The following SPTBN1 variants were observed in gnomAD, a reference collection of about 807,000 sequenced individuals.
SPTBN1 encodes spectrin beta, non-erythrocytic 1, also known as spectrin beta chain, non-erythrocytic 1.
SPTBN1 carries 32 observed loss-of-function variants against 266.4 expected under a neutral mutation model. The ratio of observed to expected loss-of-function variants is 0.12; its 90% CI spans 0.09 to 0.16. The LOEUF (loss-of-function observed/expected upper bound fraction) is 0.16, where lower values mean the gene tolerates loss of function less well. Ranked by LOEUF, SPTBN1 falls within the 10% of genes least tolerant of loss-of-function variation. The pLI is 1.00. For missense variants in SPTBN1, 2,296 were observed against 3,067.1 expected (o/e 0.75, Z 5.94); for synonymous variants, 1,336 against 1,162.2 (o/e 1.15, Z -3.04).
Position 54,505,636 on chromosome 2 carries a change from T to G in SPTBN1, c.-47-20736T>G, listed in dbSNP as rs573222249. On this transcript the variant is annotated intron_variant, in intron 1 of 35. Transcript: ENST00000356805. Reference sequence around the variant, plus strand: ...CAGGGGTCCTAGCTCCTGGGCTGGGTCTCCTAGGTGTCTTACAGCCTGGCT... The same window carrying G: ...CAGGGGTCCTAGCTCCTGGGCTGGGGCTCCTAGGTGTCTTACAGCCTGGCT... Among the ~76,000 whole-genome samples, 23 of 152,176 alleles carry G rather than the reference T, an allele frequency of 1.5e-4. No individual in the cohort carries two copies. In the South Asian group the frequency reaches 4.8e-3, roughly 32 times the overall value.
At chr2:54,627,741 G>T (rs1678447728) in intron 12 of SPTBN1, among the ~76,000 whole-genome samples, 1 of 152,014 alleles carries the variant, frequency 6.6e-6, no homozygotes, top group Non-Finnish European at 1.5e-5. Context: ...TTATATTTTG[G>T]AATCTTTCAT....
rs560980229 is a variant in SPTBN1, at chr2:54,640,629, A to G, written c.3859-2354A>G. Among the ~76,000 whole-genome samples the G allele has an allele frequency of 2.7e-5, 4 of 150,022 alleles. No individual in the cohort carries two copies. In the South Asian group the frequency reaches 8.6e-4, roughly 32 times the overall value. On this transcript the variant is annotated intron_variant, in intron 18 of 35. Coordinates refer to ENST00000356805, the MANE Select transcript of SPTBN1 (RefSeq NM_003128.3). ...TACAGTGGTGGGATCTCAGCTCACT[A>G]CAGCCCCCACCTCCCGGGTTCAAGC...
In SPTBN1 at chr2:54,638,958, A is replaced by G. The variant is rs369031888; in HGVS notation, c.3858+1155A>G. On this transcript the variant is annotated intron_variant, in intron 18 of 35. Transcript: ENST00000356805. ...ATCCGTTAAACTGCTGTCTTACTGTAAATCTTGTAATATGCTCTTGCAGCA... is the reference window on the plus strand; with the variant it reads ...ATCCGTTAAACTGCTGTCTTACTGTGAATCTTGTAATATGCTCTTGCAGCA... Among the ~76,000 whole-genome samples, 11 of 152,362 alleles carry G rather than the reference A, an allele frequency of 7.2e-5. No individual in the cohort carries two copies. In the East Asian group the frequency reaches 1.2e-3, roughly 16 times the overall value.
At chr2:54,491,649 G>A (rs955835185) in intron 1 of SPTBN1, among the ~76,000 whole-genome samples, 3 of 151,198 alleles carry the variant, frequency 2.0e-5, no homozygotes, top group African/African-American at 4.9e-5. Flanking sequence ...GAGTGCAGTG[G>A]TGCAAACACA....
rs780219111 is a variant in SPTBN1, at chr2:54,645,875, CGTA to C, written c.4495-52_4495-50del. ...ACTGCCCCTCACTGCTCGTTTGTGT[CGTA>C]TATTTGTTCCTCTGAGTGGATCTGA... On this transcript the variant is annotated intron_variant, in intron 21 of 35. Transcript: ENST00000356805. This position sits in a 1 kb window ranked among gnomAD's most constrained non-coding sequence, Gnocchi z 4.3. 7 of 1,591,482 alleles carry C rather than the reference CGTA, an allele frequency of 4.4e-6. No individual in the cohort carries two copies. Among genetic ancestry groups the C allele is most frequent in the Non-Finnish European group, 6.0e-6 (7 of 1,160,132 alleles).
In SPTBN1 at chr2:54,655,959, A is replaced by T; in HGVS notation, c.6007A>T (p.Ile2003Phe). 6.2e-7 allele frequency: 1 copy of T among 1,613,674 alleles called. No individual in the cohort carries two copies. The highest frequency in any genetic ancestry group is 8.5e-7 in the Non-Finnish European group (1 of 1,179,646). Residue 2003 changes from isoleucine (I) to phenylalanine (F), a missense_variant, in exon 29 of 36, where the codon ATC becomes TTC. Physicochemically the swap from Ile to Phe is conservative, Grantham distance 21 (BLOSUM62 0). This residue lies in a region of SPTBN1 where 644 missense variants were observed against 745.3 expected (regional missense o/e 0.86). Coordinates refer to ENST00000356805, the MANE Select transcript of SPTBN1 (RefSeq NM_003128.3). ...GTTGACGGAAAAGAGGAAAGAAATGATCGACAAGTGGGAAGACCGATGGGA... is the reference window on the plus strand; with the variant it reads ...GTTGACGGAAAAGAGGAAAGAAATGTTCGACAAGTGGGAAGACCGATGGGA... ...LQLTEKRKEM[I>F]DKWEDRWEWL...
rs1433073794 is a variant in SPTBN1 at position 54,465,637 on chromosome 2, C to CATATATATATATATA, written c.-48+9119_-48+9120insATATATATATATATA. ...TATGATGCATACATATCATGTTTAT[C>CATATATATATATATA]TCATATATATATATATATATATATA... On this transcript the variant is annotated intron_variant, in intron 1 of 35. Transcript: ENST00000356805. Among the ~76,000 whole-genome samples, 655 of 89,512 alleles carry CATATATATATATATA rather than the reference C, an allele frequency of 7.3e-3. 14 individuals are homozygous for CATATATATATATATA. The highest frequency in any genetic ancestry group is 0.013 in the East Asian group (37 of 2,890). The allele number at this position is 89,512 out of a possible 152,430, so 58.7% of individuals were successfully genotyped here.
intron 2 of SPTBN1, among the ~76,000 whole-genome samples, chr2:54,576,295 C>G (rs1173120605): frequency 1.3e-5 from 2 of 152,044 alleles, no homozygotes; most frequent in Non-Finnish European, 2.9e-5. Context: ...CTCAGGTGAT[C>G]CACCCACCTC....
At chr2:54,544,954 G>A (rs1672151919) in intron 2 of SPTBN1, among the ~76,000 whole-genome samples, 2 of 152,022 alleles carry the variant, frequency 1.3e-5, no homozygotes, top group African/African-American at 2.4e-5. Flanking sequence ...AGGCCCCAGG[G>A]TGTGATGTTC....
intron 2 of SPTBN1, among the ~76,000 whole-genome samples, chr2:54,535,627 A>G (rs1671552111): frequency 6.6e-6 from 1 of 152,230 alleles, no homozygotes; most frequent in Non-Finnish European, 1.5e-5. Context: ...TAGATTAGAG[A>G]GAAAGAGCAG....
At chr2:54,465,656 A>G (rs1693597392) in intron 1 of SPTBN1, among the ~76,000 whole-genome samples, 1 of 122,112 alleles carries the variant, frequency 8.2e-6, no homozygotes, top group African/African-American at 3.1e-5. Flanking sequence ...ATATATATAT[A>G]TATATATATA....
intron 33 of SPTBN1, 33 bp from the exon 34 acceptor site, chr2:54,665,882 A>G (rs1216605685): frequency 2.4e-5 from 38 of 1,588,228 alleles, no homozygotes; most frequent in Non-Finnish European, 3.2e-5. Flanking sequence ...TAGAGCCTTT[A>G]TCTCCCCCTG....
intron 18 of SPTBN1, among the ~76,000 whole-genome samples, chr2:54,640,985 ATCT>A (rs1455619823): frequency 1.3e-5 from 2 of 152,242 alleles, no homozygotes; most frequent in Non-Finnish European, 2.9e-5. Context: ...AAGGCAGTAT[ATCT>A]ACATGTGTCT....
intron 2 of SPTBN1, among the ~76,000 whole-genome samples, chr2:54,569,542 C>T (rs940552061): frequency 1.3e-5 from 2 of 152,056 alleles, no homozygotes; most frequent in South Asian, 2.1e-4. Flanking sequence ...TTAATATAGA[C>T]GAGTTTTGTC....
At chr2:54,639,858 C>T (rs1365625128) in intron 18 of SPTBN1, among the ~76,000 whole-genome samples, 1 of 152,190 alleles carries the variant, frequency 6.6e-6, no homozygotes, top group African/African-American at 2.4e-5. Context: ...TTGGGTGGGG[C>T]TTTTTATGTC....
intron 1 of SPTBN1, among the ~76,000 whole-genome samples, chr2:54,483,341 G>A (rs1668193221): frequency 6.6e-6 from 1 of 152,218 alleles, no homozygotes; most frequent in African/African-American, 2.4e-5. Flanking sequence ...TGTTTGTTCA[G>A]ACATAGCACA....
intron 2 of SPTBN1, among the ~76,000 whole-genome samples, chr2:54,568,716 GGA>G (rs1327998384): frequency 6.6e-6 from 1 of 152,180 alleles, no homozygotes; most frequent in Admixed American, 6.5e-5. Context: ...TGATATTAAT[GGA>G]GAATCACAAA....
chr2:54,667,560 C>T lies in SPTBN1; in HGVS notation c.6834-44C>T, dbSNP rs777489344. 5.0e-6 allele frequency: 8 copies of T among 1,589,698 alleles called. No homozygotes were observed. In the East Asian group the frequency reaches 1.6e-4, roughly 31 times the overall value. On this transcript the variant is annotated intron_variant, in intron 34 of 35. Transcript: ENST00000356805. ...TATGGGAGTTGGGGGATTTTTATTT[C>T]TCTGTAATTAAGTGGTGACTAACTT...
intron 3 of SPTBN1, among the ~76,000 whole-genome samples, chr2:54,599,450 T>C (rs966829300): frequency 2.6e-5 from 4 of 152,216 alleles, no homozygotes. Context: ...AAAGCCACTT[T>C]GTTCTGGTAA....
Sources: allele counts gnomAD v4.1 joint callset (sites outside exome capture counted in the v4.1 genomes callset), GRCh38; gene constraint gnomAD v4.1.1; regional missense constraint gnomAD v4.1.1; non-coding constraint Gnocchi (gnomAD v3.1); transcripts MANE v1.5; gene names NCBI Gene and HGNC (gene_info 2026-07-23, HGNC 2026-07-21).